Variants in ATG16L1 observed in about 807,000 individuals in gnomAD.
ATG16L1 encodes the protein autophagy related 16 like 1, also known as autophagy-related protein 16-1.
A neutral mutation model predicts 88.5 loss-of-function variants in ATG16L1; 37 were observed. The ratio of observed to expected loss-of-function variants is 0.42; its 90% CI spans 0.32 to 0.55. The LOEUF is 0.55. ATG16L1 is among the 20% of genes least tolerant of loss of function. The pLI, the probability that ATG16L1 is intolerant of heterozygous loss-of-function variation, is 0.13. For missense variants in ATG16L1, 554 were observed against 752.8 expected, an observed-to-expected ratio of 0.74 and a Z score of 3.09; for synonymous variants, 301 against 281.0, an observed-to-expected ratio of 1.07 and a Z score of -0.71.
chr2:233,288,559 A>C (rs1382486679), intron 12 of ATG16L1: 1 of 329,566 alleles, frequency 3.0e-6, no homozygotes, highest in Non-Finnish European at 6.1e-6. Context: ...TAGGATTACC[A>C]GTGTGAGCCA....
At chr2:233,294,177 C>T (rs746867574) in intron 17 of ATG16L1, 80 bp from the exon 18 acceptor site, 13 of 1,186,350 alleles carry the variant, frequency 1.1e-5, no homozygotes, top group Non-Finnish European at 1.5e-5. Flanking sequence ...CCTGAATGCA[C>T]AAGCTTCTGG....
At position 233,274,560 on chromosome 2, in the gene ATG16L1, G is replaced by A. The variant is rs1179948992; in HGVS notation, c.852-116G>A. Reference sequence around the variant, plus strand: ...TAGTTTGAAGAATCTAGAAGGACAGGCTATCAACAGAGGCAGTCTGCTTAA... The same window carrying A: ...TAGTTTGAAGAATCTAGAAGGACAGACTATCAACAGAGGCAGTCTGCTTAA... On this transcript the variant is annotated intron_variant, in intron 8 of 17. Coordinates refer to ENST00000392017, the MANE Select transcript of ATG16L1 (RefSeq NM_030803.7). 5.4e-5 allele frequency: 36 copies of A among 665,738 alleles called. No individual in the cohort carries two copies. The East Asian group carries it at 9.5e-4, about 18-fold the overall frequency. 41.2% of individuals were successfully genotyped at this position (665,738 alleles called of 1,614,324 possible).
chr2:233,251,992 G>C, intron 1 of ATG16L1, 50 bp downstream of exon 1: 2 of 1,425,688 alleles, frequency 1.4e-6, no homozygotes, highest in Non-Finnish European at 1.9e-6. Context: ...GCCCCGCGGA[G>C]GCATGCGGGG....
rs2125304571 is a variant in ATG16L1, at chr2:233,293,356, A to G, written c.1729A>G (p.Ser577Gly). 1.2e-6 allele frequency: 2 copies of G among 1,613,274 alleles called. No individual in the cohort carries two copies. The highest frequency in any genetic ancestry group is 2.2e-5 in the East Asian group (1 of 44,882). ...GGAAAAGGTTCTTTCAAAGCAGCAC[A>G]GGTAAGATGAACCCTGTCTCAGCCC... The part of the protein sequence containing the change: ...KVEKVLSKQH[S>G]SSINAVAWSP... The change falls in exon 17 of 18, where the codon AGC (serine) becomes GGC (glycine). Residue 577 changes from serine (S) to glycine (G), a missense_variant and splice_region_variant. Ser to Gly is a moderately conservative substitution (Grantham distance 56). Around this residue, in one of 5 missense-constraint regions of ATG16L1, gnomAD observed 370 missense variants for 509.7 expected, o/e 0.73. Transcript: ENST00000392017.
chr2:233,267,814 A>AC (rs143932302), intron 5 of ATG16L1, among the ~76,000 whole-genome samples: 3,228 of 152,232 alleles, frequency 0.021, 125 homozygotes, highest in African/African-American at 0.074. Context: ...AGTGCAGTGG[A>AC]CGGGGGGTAA....
rs533667948 is a variant in ATG16L1 at position 233,257,220 on chromosome 2, G to C, written c.209+1025G>C. Among the ~76,000 whole-genome samples the C allele has an allele frequency of 3.3e-5, 5 of 152,100 alleles. No homozygotes were observed. The East Asian group carries it at 9.7e-4, about 29-fold the overall frequency. ...AATTTTTTGTATTTCTGGTAGAGAC[G>C]GGGTTTCACCGTGTTAGCCAGGATG... On this transcript the variant is annotated intron_variant, in intron 2 of 17. Coordinates refer to ENST00000392017, the MANE Select transcript of ATG16L1 (RefSeq NM_030803.7).
rs1559377467 is a variant in ATG16L1, at chr2:233,258,016, AATATCTATAT to A, written c.209+1824_209+1833del. 1.2e-4 allele frequency among the ~76,000 whole-genome samples: 6 copies of A among 51,900 alleles called. 1 individual carries two copies. Among genetic ancestry groups the A allele is most frequent in the South Asian group, 6.7e-4 (1 of 1,494 alleles). The allele number at this position is 51,900 out of a possible 152,430, so 34.0% of individuals were successfully genotyped here. On this transcript the variant is annotated intron_variant, in intron 2 of 17. Transcript: ENST00000392017. ...GACTCCGTCTCAAAAAAAAAAAAAA[AATATCTATAT>A]ATCTATATATCTATATATCTATATC...
chr2:233,283,016 G>A (rs1698819657), intron 12 of ATG16L1: 1 of 372,454 alleles, frequency 2.7e-6, no homozygotes, highest in South Asian at 3.1e-5. Flanking sequence ...AAATACTTTG[G>A]TAGATAGCAA....
intron 12 of ATG16L1, among the ~76,000 whole-genome samples, chr2:233,286,362 C>T (rs1699073509): frequency 6.6e-6 from 1 of 152,148 alleles, no homozygotes; most frequent in Non-Finnish European, 1.5e-5. Context: ...AAACCCGCTG[C>T]CCCGCTATTG....
intron 12 of ATG16L1, among the ~76,000 whole-genome samples, chr2:233,289,408 T>TGTGTGTGTGTGTGTGTGTGTGTGA (rs144316394): frequency 2.0e-4 from 30 of 149,652 alleles, no homozygotes; most frequent in African/African-American, 4.7e-4. Flanking sequence ...TGTGTGTGTG[T>TGTGTGTGTGTGTGTGTGTGTGTGA]GACAGGATCT....
intron 4 of ATG16L1, 37 bp from the exon 5 acceptor site, chr2:233,264,855 G>C (rs764681073): frequency 6.2e-7 from 1 of 1,610,902 alleles, no homozygotes; most frequent in Non-Finnish European, 8.5e-7. Context: ...CAGGGCTCTG[G>C]CGAGGTACTA....
intron 2 of ATG16L1, among the ~76,000 whole-genome samples, chr2:233,257,319 G>A (rs932359212): frequency 2.0e-4 from 30 of 152,136 alleles, no homozygotes; most frequent in African/African-American, 6.5e-4. Flanking sequence ...TTGAGCCACC[G>A]CGCCCAGCCC....
chr2:233,266,652 A>T (rs987667335), intron 5 of ATG16L1, among the ~76,000 whole-genome samples: 2 of 152,232 alleles, frequency 1.3e-5, no homozygotes, highest in Non-Finnish European at 2.9e-5. Context: ...ACAAGTTAGC[A>T]TATCAAAGAG....
At chr2:233,258,352 C>T (rs1261987467) in intron 2 of ATG16L1, among the ~76,000 whole-genome samples, 3 of 152,190 alleles carry the variant, frequency 2.0e-5, no homozygotes, top group Non-Finnish European at 4.4e-5. Context: ...CATGTCTCCT[C>T]ATCTGGCACG....
Position 233,282,586 on chromosome 2 carries a change from A to T in ATG16L1, c.1132-96A>T, listed in dbSNP as rs137951523. The T allele has an allele frequency of 1.3e-4, 147 of 1,119,336 alleles. 1 individual carries two copies. In the East Asian group the frequency reaches 3.5e-3, roughly 27 times the overall value. 69.3% of individuals were successfully genotyped at this position (1,119,336 alleles called of 1,614,324 possible). ...TGGTTGTATAGGGTGAAGCATCTAA[A>T]CCTTCTTGTACTTGATTATTGGGGA... On this transcript the variant is annotated intron_variant, in intron 11 of 17. Transcript: ENST00000392017.
intron 5 of ATG16L1, among the ~76,000 whole-genome samples, chr2:233,269,519 A>G (rs564721016): frequency 6.6e-6 from 1 of 152,222 alleles, no homozygotes; most frequent in Non-Finnish European, 1.5e-5. Context: ...TCATATTTAG[A>G]CCTGGATCCT....
At chr2:233,293,107 G>C (rs1362303708) in intron 16 of ATG16L1, 149 bp from the exon 17 acceptor site, 2 of 684,276 alleles carry the variant, frequency 2.9e-6, no homozygotes, top group South Asian at 3.6e-5. Context: ...TTGGCTGGAA[G>C]GGCCATGACT....
intron 14 of ATG16L1, among the ~76,000 whole-genome samples, chr2:233,291,808 A>G (rs1699481388): frequency 6.6e-6 from 1 of 152,192 alleles, no homozygotes; most frequent in African/African-American, 2.4e-5. Context: ...AAATCACATC[A>G]CTGAAAATAA....
rs1031534231 is a variant in ATG16L1, at chr2:233,290,162, C to T, written c.1325-86C>T. 8 of 1,516,552 alleles carry T rather than the reference C, an allele frequency of 5.3e-6. No homozygotes were observed. The African/African-American group carries it at 9.6e-5, about 18-fold the overall frequency. The allele number at this position is 1,516,552 out of a possible 1,614,324, so 93.9% of individuals were successfully genotyped here. ...GCTTCATTTAAGTGAGTAACTCTGA[C>T]AAGTCAGTGGTTAGAGGGTGGCAGC... is the stretch of plus-strand genomic sequence containing the variant. On this transcript the variant is annotated intron_variant, in intron 13 of 17. Transcript: ENST00000392017.
Sources: gnomAD v4.1 joint callset for allele counts (sites outside exome capture counted in the v4.1 genomes callset) on GRCh38, gnomAD v4.1.1 for gene constraint, gnomAD v4.1.1 regional missense constraint, MANE v1.5 for transcripts, NCBI Gene and HGNC (gene_info 2026-07-23, HGNC 2026-07-21) for gene names.